Variants in GPR55 observed in about 807,000 individuals in gnomAD.
GPR55 encodes the protein G protein-coupled receptor 55, also known as G-protein coupled receptor 55.
A neutral mutation model predicts 7.9 loss-of-function variants in GPR55; 6 were observed. That is an observed-to-expected ratio of 0.76 (90% CI 0.41 to 1.49). The LOEUF (loss-of-function observed/expected upper bound fraction) is 1.49, where lower values mean the gene tolerates loss of function less well. Among genes scored for constraint, GPR55 ranks in the 40% most tolerant of loss-of-function variants. The pLI is 0.01. For synonymous variants in GPR55, 183 were observed against 166.8 expected, an observed-to-expected ratio of 1.10 and a Z score of -0.75; for missense variants, 376 against 406.0, an observed-to-expected ratio of 0.93 and a Z score of 0.63.
intron 1 of GPR55, among the ~76,000 whole-genome samples, chr2:230,942,204 T>A (rs1691243536): frequency 6.6e-6 from 1 of 151,930 alleles, no homozygotes; most frequent in South Asian, 2.1e-4. Context: ...ACACTCACAC[T>A]CCAGGGCTGG....
At position 230,910,730 on chromosome 2, in the gene GPR55, G is replaced by A; in HGVS notation, c.233C>T (p.Pro78Leu). 1 of 1,614,026 alleles carries A rather than the reference G, an allele frequency of 6.2e-7. No individual in the cohort carries two copies. Among genetic ancestry groups the A allele is most frequent in the African/African-American group, 1.3e-5 (1 of 75,040 alleles). ...VFDLLLVLSL[P>L]FKMVLSQVQS... ...TACCTGGGACAGGACCATCTTGAAT[G>A]GGAGGGAGAGCACCAGCAGCAGGTC... Residue 78 changes from proline to leucine, a missense_variant, in exon 2 of 2, where the codon CCA (proline) becomes CTA (leucine). Pro to Leu is a moderately conservative substitution (Grantham distance 98, BLOSUM62 -3). Coordinates refer to ENST00000650999, the MANE Select transcript of GPR55 (RefSeq NM_005683.4). This position sits in a 1 kb window ranked among gnomAD's most constrained non-coding sequence, Gnocchi z 5.4.
intron 1 of GPR55, among the ~76,000 whole-genome samples, chr2:230,956,651 C>T (rs1369558186): frequency 1.3e-5 from 2 of 152,232 alleles, no homozygotes; most frequent in African/African-American, 4.8e-5. Context: ...ACATTCCTTA[C>T]ATAACCCAAT....
chr2:230,936,385 G>A (rs1691132158), intron 1 of GPR55, among the ~76,000 whole-genome samples: 1 of 152,176 alleles, frequency 6.6e-6, no homozygotes, highest in East Asian at 1.9e-4. Context: ...ATGATAGTGA[G>A]TGAGTTCTCA....
upstream of GPR55, among the ~76,000 whole-genome samples, chr2:230,926,460 G>T (rs13401155): frequency 0.021 from 3,200 of 152,230 alleles, 124 homozygotes; most frequent in African/African-American, 0.072. Context: ...ACTGGGCAAG[G>T]GGGGGCAGCC....
In GPR55 at chr2:230,944,649, G is replaced by A. The variant is rs1691284146; in HGVS notation, c.-135+16126C>T. ...AAGGTGAAGAGAATCTTTCAGGAGTGGAGAGAATATAACTGAATGCTTTGT... is the reference window on the plus strand; with the variant it reads ...AAGGTGAAGAGAATCTTTCAGGAGTAGAGAGAATATAACTGAATGCTTTGT... On this transcript the variant is annotated intron_variant, in intron 1 of 1. Coordinates refer to the GPR55 transcript ENST00000392039. This position sits in a 1 kb window ranked among gnomAD's most constrained non-coding sequence, Gnocchi z 4.2. 2.0e-5 allele frequency among the ~76,000 whole-genome samples: 3 copies of A among 152,192 alleles called. No individual in the cohort carries two copies. The highest frequency in any genetic ancestry group is 2.0e-4 in the Admixed American group (3 of 15,278).
At chr2:230,949,233 A>G (rs1170657127) in intron 1 of GPR55, among the ~76,000 whole-genome samples, 4 of 151,838 alleles carry the variant, frequency 2.6e-5, no homozygotes, top group Admixed American at 6.6e-5. Context: ...GCGCAATCTC[A>G]GCTCACTGCA....
chr2:230,942,207 A>G (rs898972831), intron 1 of GPR55, among the ~76,000 whole-genome samples: 5 of 152,222 alleles, frequency 3.3e-5, no homozygotes, highest in African/African-American at 7.2e-5. Flanking sequence ...CTCACACTCC[A>G]GGGCTGGGCA....
intron 1 of GPR55, among the ~76,000 whole-genome samples, chr2:230,937,993 C>CA (rs1486402289): frequency 1.3e-5 from 2 of 150,504 alleles, no homozygotes; most frequent in Non-Finnish European, 3.0e-5. Context: ...TCATCTCTAC[C>CA]AAAAAAAATA....
Position 230,936,454 on chromosome 2 carries a change from C to T in GPR55, c.-135+24321G>A, listed in dbSNP as rs146319421. Among the ~76,000 whole-genome samples the T allele has an allele frequency of 4.4e-3, 668 of 152,230 alleles. 5 individuals carry two copies. The highest frequency in any genetic ancestry group is 0.015 in the African/African-American group (636 of 41,522). ...GCTTTGCTTGGCACTTCTCTTATGA[C>T]GCCATGTGAAGAAGGACATGTTTGC... On this transcript the variant is annotated intron_variant, in intron 1 of 1. Transcript: ENST00000392039.
At chr2:230,954,162 G>A (rs1005567798) in intron 1 of GPR55, among the ~76,000 whole-genome samples, 2 of 152,220 alleles carry the variant, frequency 1.3e-5, no homozygotes, top group Non-Finnish European at 2.9e-5. Flanking sequence ...CCCCGTAATC[G>A]TGCCCACAAC....
At chr2:230,911,246 T>C (rs1690586053) in intron 1 of GPR55, 150 bp from the exon 2 acceptor site, 12 of 419,130 alleles carry the variant, frequency 2.9e-5, no homozygotes, top group Admixed American at 2.7e-4. Context: ...CTGCTGTGCA[T>C]GGACATCTGT....
Position 230,931,815 on chromosome 2 carries a change from G to A in GPR55, c.-134-20719C>T, listed in dbSNP as rs187736149. Reference sequence around the variant, plus strand: ...TGAGTGGTGCCCCACTCCACTGCCCGGGCCACCCCTGGCCCAGTCCATTCG... The same window carrying A: ...TGAGTGGTGCCCCACTCCACTGCCCAGGCCACCCCTGGCCCAGTCCATTCG... On this transcript the variant is annotated intron_variant, in intron 1 of 1. Coordinates refer to the GPR55 transcript ENST00000392039. Among the ~76,000 whole-genome samples the A allele has an allele frequency of 1.4e-4, 21 of 151,888 alleles. No individual in the cohort carries two copies. The East Asian group carries it at 3.7e-3, about 27-fold the overall frequency.
upstream of GPR55, chr2:230,929,658 G>A (rs901609237): frequency 1.3e-5 from 2 of 152,234 alleles, no homozygotes; most frequent in Non-Finnish European, 2.9e-5. Flanking sequence ...GATGGGGCTT[G>A]GAGCCCCCAG....
chr2:230,917,468 AT>A (rs1176730399), intron 1 of GPR55, among the ~76,000 whole-genome samples: 4 of 152,174 alleles, frequency 2.6e-5, no homozygotes, highest in African/African-American at 9.7e-5. Flanking sequence ...TTCAGAAATT[AT>A]TTTGGCTATA....
intron 1 of GPR55, among the ~76,000 whole-genome samples, chr2:230,958,195 T>C (rs1033560611): frequency 9.2e-5 from 14 of 152,236 alleles, no homozygotes; most frequent in Non-Finnish European, 1.8e-4. Context: ...ACTACTGTTA[T>C]CACATCAGCA....
At chr2:230,936,353 C>T (rs1008005732) in intron 1 of GPR55, among the ~76,000 whole-genome samples, 20 of 152,210 alleles carry the variant, frequency 1.3e-4, no homozygotes, top group African/African-American at 1.9e-4. Context: ...ATCATGGGGG[C>T]GGTTACCCTC....
At chr2:230,928,168 G>A (rs1690973504), upstream of GPR55, among the ~76,000 whole-genome samples, 3 of 152,286 alleles carry the variant, frequency 2.0e-5, no homozygotes, top group Middle Eastern at 3.4e-3. Context: ...CCAGGGGCAC[G>A]GGCCGCCCCG....
chr2:230,910,263 C>G lies in GPR55; in HGVS notation c.700G>C (p.Val234Leu). The change falls in exon 2 of 2, where the codon GTC becomes CTC. Residue 234 changes from valine to leucine, a missense_variant. Transcript: ENST00000650999. The surrounding 1 kb of genome is among the most constrained non-coding windows in gnomAD (Gnocchi z 5.4). ...CIYSIAASLA[V>L]FVVSFLPVHL... ...ACTGGGAGGAAGGAGACCACGAAGA[C>G]AGCCAGGCTGGCTGCGATGCTGTAG... 1.2e-6 allele frequency: 2 copies of G among 1,614,112 alleles called. No homozygotes were observed. The highest frequency in any genetic ancestry group is 1.1e-5 in the South Asian group (1 of 91,074).
chr2:230,910,426 G>A lies in GPR55; in HGVS notation c.537C>T (p.Ala179=). The A allele has an allele frequency of 1.2e-6, 2 of 1,613,848 alleles. No homozygotes were observed. Among genetic ancestry groups the A allele is most frequent in the Non-Finnish European group, 1.7e-6 (2 of 1,179,704 alleles). ...FHNMSDDTWS[A]KVFFPLEVFG... is the part of the protein sequence containing the mutation. ...ACACCTCCAGCGGGAAGAAGACCTT[G>A]GCGCTCCAGGTATCATCAGACATGT... The change falls in exon 2 of 2, where the codon GCC becomes GCT. Residue 179 remains alanine (A), a synonymous_variant. Transcript: ENST00000650999. The surrounding 1 kb of genome is among the most constrained non-coding windows in gnomAD (Gnocchi z 5.4).
Sources: allele counts gnomAD v4.1 joint callset (sites outside exome capture counted in the v4.1 genomes callset), GRCh38; gene constraint gnomAD v4.1.1; non-coding constraint Gnocchi (gnomAD v3.1); transcripts MANE v1.5; gene names NCBI Gene and HGNC (gene_info 2026-07-23, HGNC 2026-07-21).